The following NTSR2 variants were observed in gnomAD, a reference collection of about 807,000 sequenced individuals.
NTSR2 encodes the protein neurotensin receptor 2, also known as neurotensin receptor type 2.
A neutral mutation model predicts 24.1 loss-of-function variants in NTSR2; 22 were observed. The ratio of observed to expected loss-of-function variants is 0.91; its 90% CI spans 0.65 to 1.30. NTSR2 has a LOEUF of 1.30. Among genes scored for constraint, NTSR2 ranks in the 50% most tolerant of loss-of-function variants. NTSR2 has a pLI of 0.00. For synonymous variants in NTSR2, 291 were observed against 267.0 expected (o/e 1.09, Z -0.88); for missense variants, 570 against 570.4 (o/e 1.00, Z 0.01).
rs145400490 is a variant in NTSR2, at chr2:11,658,624, G to A, written c.1088C>T (p.Ser363Phe). The A allele has an allele frequency of 2.5e-6, 4 of 1,614,070 alleles. No individual in the cohort carries two copies. The highest frequency in any genetic ancestry group is 3.4e-6 in the Non-Finnish European group (4 of 1,180,040). ...VTPLLYNAVS[S>F]SFRKLFLEAV... Reference sequence around the variant, plus strand: ...TTCCAGGAAGAGTTTTCTGAAGGAGGAGGACACGGCGTTGTAGAGAAGAGG... The same window carrying A: ...TTCCAGGAAGAGTTTTCTGAAGGAGAAGGACACGGCGTTGTAGAGAAGAGG... The change falls in exon 4 of 4, where the codon TCC (serine) becomes TTC (phenylalanine). Residue 363 changes from serine to phenylalanine, a missense_variant. Physicochemically the swap from Ser to Phe is radical, Grantham distance 155. Transcript: ENST00000306928.
intron 1 of NTSR2, among the ~76,000 whole-genome samples, chr2:11,663,201 G>C (rs1459193896): frequency 3.3e-5 from 5 of 152,130 alleles, no homozygotes; most frequent in Non-Finnish European, 5.9e-5. Flanking sequence ...GAGATTAAAA[G>C]AACATGTTCT....
At position 11,669,907 on chromosome 2, in the gene NTSR2, G is replaced by A. The variant is rs780461013; in HGVS notation, c.223C>T (p.Leu75=). 6.4e-7 allele frequency: 1 copy of A among 1,562,654 alleles called. No individual in the cohort carries two copies. Among genetic ancestry groups the A allele is most frequent in the Admixed American group, 1.9e-5 (1 of 54,026 alleles). The change falls in exon 1 of 4, where the codon CTG becomes TTG. Residue 75 remains leucine (L), a synonymous_variant. Transcript: ENST00000306928. ...AGCAGCAGCAGGCCCGCGAGCGCCAGGCTGAGCACGTGGTGGCGCAGGCGC... is the reference window on the plus strand; with the variant it reads ...AGCAGCAGCAGGCCCGCGAGCGCCAAGCTGAGCACGTGGTGGCGCAGGCGC... ...AGRLRHHVLS[L]ALAGLLLLLV...
At chr2:11,666,443 A>G (rs1661201947) in intron 1 of NTSR2, among the ~76,000 whole-genome samples, 1 of 152,248 alleles carries the variant, frequency 6.6e-6, no homozygotes, top group South Asian at 2.1e-4. Context: ...GCTCACGGCT[A>G]TAATCCCAGC....
chr2:11,669,460 G>GGGGGGCGGGGGGGGCC, intron 1 of NTSR2, 46 bp downstream of exon 1: 1 of 254,726 alleles, frequency 3.9e-6, no homozygotes, highest in Non-Finnish European at 6.9e-6. Context: ...TCCCAGCACC[G>GGGGGGCGGGGGGGGCC]CCCCCCCACC....
chr2:11,668,994 G>A (rs1304674753), intron 1 of NTSR2, among the ~76,000 whole-genome samples: 1 of 152,148 alleles, frequency 6.6e-6, no homozygotes, highest in Non-Finnish European at 1.5e-5. Context: ...GAGGTGTGGG[G>A]GGACAAGTGG....
chr2:11,660,789 C>T (rs1661055014), intron 2 of NTSR2, among the ~76,000 whole-genome samples: 1 of 152,208 alleles, frequency 6.6e-6, no homozygotes, highest in Non-Finnish European at 1.5e-5. Flanking sequence ...TAGAAAGCCT[C>T]TTGCTCCTTT....
In NTSR2 at chr2:11,669,901, G is replaced by C; in HGVS notation, c.229C>G (p.Leu77Val). ...RLRHHVLSLA[L>V]AGLLLLLVGV... is the part of the protein sequence containing the mutation. ...ACCAGCAGCAGCAGCAGGCCCGCGAGCGCCAGGCTGAGCACGTGGTGGCGC... is the reference window on the plus strand; with the variant it reads ...ACCAGCAGCAGCAGCAGGCCCGCGACCGCCAGGCTGAGCACGTGGTGGCGC... Residue 77 changes from leucine (L) to valine (V), a missense_variant, in exon 1 of 4, where the codon CTC becomes GTC. Leu to Val is a conservative substitution (Grantham distance 32). Coordinates refer to ENST00000306928, the MANE Select transcript of NTSR2 (RefSeq NM_012344.4). 6.4e-7 allele frequency: 1 copy of C among 1,568,370 alleles called. No individual in the cohort carries two copies. Among genetic ancestry groups the C allele is most frequent in the South Asian group, 1.2e-5 (1 of 86,460 alleles).
At position 11,667,151 on chromosome 2, in the gene NTSR2, G is replaced by A. The variant is rs577621661; in HGVS notation, c.624+2355C>T. ...GAGCAGGAGCGAGAGGGGCTCCTGG[G>A]AGCCCTGAGCCCCTGACTCTGACCT... is the stretch of plus-strand genomic sequence containing the variant. On this transcript the variant is annotated intron_variant, in intron 1 of 3. Coordinates refer to ENST00000306928, the MANE Select transcript of NTSR2 (RefSeq NM_012344.4). 2.7e-3 allele frequency among the ~76,000 whole-genome samples: 409 copies of A among 152,232 alleles called. 1 individual carries two copies. Among genetic ancestry groups the A allele is most frequent in the Middle Eastern group, 0.01 (3 of 292 alleles).
chr2:11,666,237 T>C (rs1572268397), intron 1 of NTSR2, among the ~76,000 whole-genome samples: 1 of 152,184 alleles, frequency 6.6e-6, no homozygotes, highest in East Asian at 1.9e-4. Context: ...TCCTTCCAGC[T>C]GCTGCCCCAG....
At position 11,669,654 on chromosome 2, in the gene NTSR2, G is replaced by C; in HGVS notation, c.476C>G (p.Ser159Trp). Residue 159 changes from serine to tryptophan, a missense_variant, in exon 1 of 4, where the codon TCG (serine) becomes TGG (tryptophan). Ser to Trp is a radical substitution (Grantham distance 177, BLOSUM62 -3). Transcript: ENST00000306928. ...PRRTRWLVALSWAASLGLALP... is the reference protein window; with the variant it reads ...PRRTRWLVALWWAASLGLALP... ...GGCGAGGCCGAGCGAGGCGGCCCAC[G>C]AGAGCGCCACCAGCCACCGGGTCCG... 6.4e-7 allele frequency: 1 copy of C among 1,551,590 alleles called. No homozygotes were observed.
Position 11,665,055 on chromosome 2 carries a change from GTTTT to G in NTSR2, c.625-2819_625-2816del, listed in dbSNP as rs34751276. On this transcript the variant is annotated intron_variant, in intron 1 of 3. Transcript: ENST00000306928. ...AAACATTGCTTGGCACTTTGGCACT[GTTTT>G]TTTTTTTTTTTTTTTTTTTTTTTTC... is the stretch of plus-strand genomic sequence containing the variant. Among the ~76,000 whole-genome samples the G allele has an allele frequency of 3.9e-3, 420 of 106,648 alleles. 7 individuals carry two copies. The highest frequency in any genetic ancestry group is 0.016 in the African/African-American group (374 of 23,032). The allele number at this position is 106,648 out of a possible 152,430, so 70.0% of individuals were successfully genotyped here. A position where few individuals can be genotyped will look rare whatever the true frequency, so the allele number is the denominator to read the frequency against.
chr2:11,661,600 G>A (rs1374248392), intron 2 of NTSR2, among the ~76,000 whole-genome samples: 1 of 152,118 alleles, frequency 6.6e-6, no homozygotes, highest in Admixed American at 6.5e-5. Context: ...AGTTTGAAGG[G>A]ACTGGATTTA....
intron 1 of NTSR2, 46 bp downstream of exon 1, chr2:11,669,460 G>GGGGGGGGGGCGGCCCCC: frequency 3.9e-6 from 1 of 254,726 alleles, no homozygotes; most frequent in East Asian, 5.5e-5. Context: ...TCCCAGCACC[G>GGGGGGGGGGCGGCCCCC]CCCCCCCACC....
chr2:11,667,933 G>T (rs1360625467), intron 1 of NTSR2, among the ~76,000 whole-genome samples: 1 of 152,344 alleles, frequency 6.6e-6, no homozygotes, highest in South Asian at 2.1e-4. Context: ...GGAAGACGTT[G>T]TTTAAAGAAA....
At chr2:11,669,460 G>GGGGGGGGGGGGGGGGGGGGCCCCCCC in intron 1 of NTSR2, 46 bp downstream of exon 1, 2 of 254,726 alleles carry the variant, frequency 7.9e-6, no homozygotes, top group Middle Eastern at 1.0e-3. Context: ...TCCCAGCACC[G>GGGGGGGGGGGGGGGGGGGGCCCCCCC]CCCCCCCACC....
chr2:11,662,656 C>T (rs1340945045), intron 1 of NTSR2, among the ~76,000 whole-genome samples: 1 of 152,122 alleles, frequency 6.6e-6, no homozygotes, highest in Non-Finnish European at 1.5e-5. Context: ...TAGCGGGCGC[C>T]TGTAGTCCCA....
Position 11,669,659 on chromosome 2 carries a change from C to G in NTSR2, c.471G>C (p.Ala157=). ...LTPRRTRWLV[A]LSWAASLGLA... is the part of the protein sequence containing the mutation. ...GGCCGAGCGAGGCGGCCCACGAGAGCGCCACCAGCCACCGGGTCCGGCGTG... is the reference window on the plus strand; with the variant it reads ...GGCCGAGCGAGGCGGCCCACGAGAGGGCCACCAGCCACCGGGTCCGGCGTG... Residue 157 remains alanine (A), a synonymous_variant, in exon 1 of 4, where the codon GCG becomes GCC. Transcript: ENST00000306928. 2 of 1,547,166 alleles carry G rather than the reference C, an allele frequency of 1.3e-6. No homozygotes were observed. Among genetic ancestry groups the G allele is most frequent in the Non-Finnish European group, 1.7e-6 (2 of 1,152,502 alleles).
At chr2:11,669,460 G>GGGGGGGGGGGCCC in intron 1 of NTSR2, 46 bp downstream of exon 1, 3 of 254,726 alleles carry the variant, frequency 1.2e-5, no homozygotes, top group Non-Finnish European at 2.1e-5. Context: ...TCCCAGCACC[G>GGGGGGGGGGGCCC]CCCCCCCACC....
chr2:11,660,554 T>G (rs1394305156), intron 2 of NTSR2, among the ~76,000 whole-genome samples: 1 of 152,060 alleles, frequency 6.6e-6, no homozygotes, highest in Non-Finnish European at 1.5e-5. Context: ...TCAGTTGAGG[T>G]CAGGTGTTTG....
Sources: allele counts gnomAD v4.1 joint callset (sites outside exome capture counted in the v4.1 genomes callset), GRCh38; gene constraint gnomAD v4.1.1; transcripts MANE v1.5; gene names NCBI Gene and HGNC (gene_info 2026-07-23, HGNC 2026-07-21).